Variants in CLEC12A observed in about 807,000 individuals in gnomAD.
CLEC12A encodes C-type lectin protein CLL-1.
In CLEC12A, 22 loss-of-function variants were observed where a neutral mutation model predicts 26.5. The ratio of observed to expected loss-of-function variants is 0.83; its 90% CI spans 0.59 to 1.19. The LOEUF is 1.19. CLEC12A is among the 50% of genes most tolerant of loss of function. The pLI is 0.00. For synonymous variants in CLEC12A, 119 were observed against 101.9 expected, an observed-to-expected ratio of 1.17 and a Z score of -1.01; for missense variants, 353 against 315.6, an observed-to-expected ratio of 1.12 and a Z score of -0.90.
Position 9,985,008 on chromosome 12 carries a change from A to G in CLEC12A, c.780A>G (p.Thr260=). 6.5e-7 allele frequency: 1 copy of G among 1,529,130 alleles called. No individual in the cohort carries two copies. Among genetic ancestry groups the G allele is most frequent in the Non-Finnish European group, 8.8e-7 (1 of 1,137,682 alleles). The allele number at this position is 1,529,130 out of a possible 1,614,324, so 94.7% of individuals were successfully genotyped here. ...KMANPVQLGS[T]YFREA ...CCAATCCAGTGCAGCTTGGTTCTAC[A>G]TATTTTAGGGAGGCATGAGGCATCA... The change falls in exon 6 of 6, where the codon ACA becomes ACG. Residue 260 remains threonine, a synonymous_variant. Coordinates refer to ENST00000304361, the MANE Select transcript of CLEC12A (RefSeq NM_138337.6).
chr12:9,955,194 C>T (rs574569774), intron 1 of CLEC12A, among the ~76,000 whole-genome samples: 10 of 152,296 alleles, frequency 6.6e-5, no homozygotes, highest in Middle Eastern at 3.4e-3. Flanking sequence ...TCACGCCATT[C>T]TCCTGCCTCA....
chr12:9,983,401 T>C, intron 5 of CLEC12A: 2 of 595,392 alleles, frequency 3.4e-6, no homozygotes, highest in South Asian at 4.2e-5. Context: ...AATGTGGTTA[T>C]AAATATACTA....
At chr12:9,969,139 A>G (rs914398732), upstream of CLEC12A, among the ~76,000 whole-genome samples, 13 of 152,206 alleles carry the variant, frequency 8.5e-5, no homozygotes, top group African/African-American at 3.1e-4. Context: ...GGGTACAAAA[A>G]TAAAATTAGA....
intron 1 of CLEC12A, among the ~76,000 whole-genome samples, chr12:9,965,811 A>G (rs915905778): frequency 3.3e-5 from 5 of 152,108 alleles, no homozygotes; most frequent in African/African-American, 7.2e-5. Context: ...GCTGTGGGAT[A>G]GGATATTGGC....
At chr12:9,959,391 G>A (rs1863793365) in intron 1 of CLEC12A, among the ~76,000 whole-genome samples, 1 of 151,552 alleles carries the variant, frequency 6.6e-6, no homozygotes, top group Non-Finnish European at 1.5e-5. Flanking sequence ...GGCGGAGGTT[G>A]CAGTGAGTAG....
intron 1 of CLEC12A, among the ~76,000 whole-genome samples, chr12:9,964,723 G>A (rs151039604): frequency 0.038 from 5,819 of 152,250 alleles, 356 homozygotes; most frequent in African/African-American, 0.13. Context: ...CGATGGAAAG[G>A]AAATGAGAGG....
chr12:9,964,447 A>T (rs370464504), intron 1 of CLEC12A, among the ~76,000 whole-genome samples: 2 of 152,184 alleles, frequency 1.3e-5, no homozygotes, highest in East Asian at 3.9e-4. Flanking sequence ...AGCTGGGGAG[A>T]GGTAGAGGGT....
chr12:9,965,438 C>T (rs573398), intron 1 of CLEC12A, among the ~76,000 whole-genome samples: 81,704 of 147,670 alleles, frequency 0.55, 23,067 homozygotes, highest in South Asian at 0.72. Flanking sequence ...TCTGTGAAGC[C>T]TTGCGGCAAT....
chr12:9,988,497 A>C (rs866088954), downstream of CLEC12A, among the ~76,000 whole-genome samples: 1 of 152,192 alleles, frequency 6.6e-6, no homozygotes, highest in South Asian at 2.1e-4. Context: ...GAATCTACGA[A>C]GAACTCAAAC....
At chr12:9,998,231 C>A (rs762964678), downstream of CLEC12A, 1 of 1,366,748 alleles carries the variant, frequency 7.3e-7, no homozygotes, top group Non-Finnish European at 1.0e-6. Flanking sequence ...ATGCCATGAC[C>A]CTTCAGTATT....
At chr12:9,993,081 C>A in intron 4 of CLEC12A, 1 of 1,482,496 alleles carries the variant, frequency 6.7e-7, no homozygotes, top group South Asian at 1.3e-5. Context: ...CTGATGCATT[C>A]ATACATATCT....
downstream of CLEC12A, chr12:9,996,942 A>G (rs769281838): frequency 2.7e-5 from 43 of 1,614,148 alleles, no homozygotes; most frequent in Non-Finnish European, 3.6e-5. Context: ...TGAAGAACCC[A>G]TAGCAGCTAT....
At chr12:9,963,853 G>A (rs562581607) in intron 1 of CLEC12A, among the ~76,000 whole-genome samples, 5 of 152,332 alleles carry the variant, frequency 3.3e-5, no homozygotes, top group Non-Finnish European at 5.9e-5. Context: ...ATCAGAGGTT[G>A]TAATGGGGAC....
At chr12:9,961,024 G>A (rs968957686) in intron 1 of CLEC12A, among the ~76,000 whole-genome samples, 2 of 152,204 alleles carry the variant, frequency 1.3e-5, no homozygotes, top group Non-Finnish European at 2.9e-5. Context: ...ACCCAAGGTG[G>A]TTCAGGTACA....
chr12:9,953,546 G>A (rs187091781), intron 1 of CLEC12A, among the ~76,000 whole-genome samples: 2,711 of 149,130 alleles, frequency 0.018, 4 homozygotes, highest in African/African-American at 0.065. Flanking sequence ...GAAGTGAGGA[G>A]CCCCTCTGCC....
chr12:9,993,288 C>G (rs771615733), intron 4 of CLEC12A: 38 of 1,604,526 alleles, frequency 2.4e-5, no homozygotes, highest in Non-Finnish European at 3.1e-5. Context: ...AAACTCAAAC[C>G]TGTGAAGGGA....
intron 1 of CLEC12A, among the ~76,000 whole-genome samples, chr12:9,962,359 T>C (rs1370193848): frequency 6.6e-6 from 1 of 151,214 alleles, no homozygotes; most frequent in Non-Finnish European, 1.5e-5. Flanking sequence ...ACTCTGAAGG[T>C]GTGTGTCTCC....
chr12:9,961,907 C>T (rs568949665), intron 1 of CLEC12A, among the ~76,000 whole-genome samples: 6 of 152,162 alleles, frequency 3.9e-5, no homozygotes, highest in Non-Finnish European at 7.4e-5. Context: ...TATCCCTGGA[C>T]ACTATTGTCC....
At chr12:9,983,724 A>AT in intron 5 of CLEC12A, 1 of 477,014 alleles carries the variant, frequency 2.1e-6, no homozygotes, top group Non-Finnish European at 3.7e-6. Flanking sequence ...GGCAAATAGA[A>AT]TTTTTTGTTT....
Sources: allele counts gnomAD v4.1 joint callset (sites outside exome capture counted in the v4.1 genomes callset), GRCh38; gene constraint gnomAD v4.1.1; transcripts MANE v1.5; gene names NCBI Gene and HGNC (gene_info 2026-07-23, HGNC 2026-07-21).